The following CTNNA3 variants were observed in gnomAD, a reference collection of about 807,000 sequenced individuals.
The protein encoded by CTNNA3 is catenin alpha 3.
CTNNA3 carries 76 observed loss-of-function variants against 95.7 expected under a neutral mutation model. The ratio of observed to expected loss-of-function variants is 0.79; its 90% CI spans 0.66 to 0.96. CTNNA3 has a LOEUF of 0.96. Ranked by LOEUF, CTNNA3 falls within the 40% of genes least tolerant of loss-of-function variation. CTNNA3 has a pLI of 0.00. For missense variants in CTNNA3, 1,191 were observed against 1,089.8 expected, an observed-to-expected ratio of 1.09 and a Z score of -1.31; for synonymous variants, 431 against 374.4, an observed-to-expected ratio of 1.15 and a Z score of -1.74.
At chr10:66,346,223 A>G (rs1457979649) in intron 12 of CTNNA3, among the ~76,000 whole-genome samples, 24 of 91,428 alleles carry the variant, frequency 2.6e-4, no homozygotes, top group Admixed American at 1.6e-3. Flanking sequence ...ATATATATAT[A>G]TATATATATA....
At chr10:67,319,711 CA>C (rs890891719) in intron 5 of CTNNA3, among the ~76,000 whole-genome samples, 4 of 151,884 alleles carry the variant, frequency 2.6e-5, no homozygotes, top group African/African-American at 9.7e-5. Flanking sequence ...GCCTGGCCAA[CA>C]AAGTAAAACT....
At chr10:67,313,157 C>T (rs1840885257) in intron 5 of CTNNA3, among the ~76,000 whole-genome samples, 1 of 152,136 alleles carries the variant, frequency 6.6e-6, no homozygotes, top group Non-Finnish European at 1.5e-5. Context: ...GAAGTCTGTA[C>T]TTCCTAAAAA....
intron 11 of CTNNA3, among the ~76,000 whole-genome samples, chr10:66,393,241 T>C (rs1339886876): frequency 2.0e-5 from 3 of 152,066 alleles, no homozygotes; most frequent in African/African-American, 7.2e-5. Flanking sequence ...AGGTAGAGCG[T>C]AGGGGATTTT....
intron 11 of CTNNA3, among the ~76,000 whole-genome samples, chr10:66,420,835 A>AATTAATT (rs1652537233): frequency 2.5e-4 from 23 of 93,008 alleles, no homozygotes; most frequent in South Asian, 1.5e-3. Flanking sequence ...ATAAATAAAT[A>AATTAATT]AATAAAAAAC....
At chr10:65,978,425 TA>T (rs1344938128) in intron 16 of CTNNA3, among the ~76,000 whole-genome samples, 3 of 148,710 alleles carry the variant, frequency 2.0e-5, no homozygotes, top group Admixed American at 6.6e-5. Context: ...GACTGTATTG[TA>T]AGCATTTTTT....
chr10:67,235,462 T>C (rs1021512193), intron 5 of CTNNA3, among the ~76,000 whole-genome samples: 5 of 151,986 alleles, frequency 3.3e-5, no homozygotes, highest in Non-Finnish European at 7.4e-5. Context: ...GCTAGCCATA[T>C]GTAGAAAGCT....
At chr10:67,576,226 G>A (rs1842139891) in intron 3 of CTNNA3, among the ~76,000 whole-genome samples, 1 of 151,966 alleles carries the variant, frequency 6.6e-6, no homozygotes, top group African/African-American at 2.4e-5. Context: ...CCATTTCCTG[G>A]GCAGGTTTCT....
At chr10:67,191,172 T>A (rs976409990) in intron 6 of CTNNA3, among the ~76,000 whole-genome samples, 2 of 151,914 alleles carry the variant, frequency 1.3e-5, no homozygotes, top group African/African-American at 4.8e-5. Context: ...TGAAAAACAG[T>A]TTGGCGGTTT....
In CTNNA3 at chr10:66,913,524, G is replaced by A. The variant is rs1589416527; in HGVS notation, c.1048-138000C>T. ...CGCATGCTTTTATTGTCTCTTTCAC[G>A]TCAAAACTCAAGCAATGACAAATGA... On this transcript the variant is annotated intron_variant, in intron 7 of 17. Transcript: ENST00000433211. 2.0e-5 allele frequency among the ~76,000 whole-genome samples: 3 copies of A among 152,082 alleles called. No homozygotes were observed. The East Asian group carries it at 5.8e-4, about 30-fold the overall frequency.
intron 9 of CTNNA3, among the ~76,000 whole-genome samples, chr10:66,685,444 T>G (rs1847261841): frequency 1.5e-5 from 2 of 129,434 alleles, no homozygotes; most frequent in Non-Finnish European, 1.6e-5. Flanking sequence ...GCTATCTCGG[T>G]TCACTGTAAG....
chr10:66,190,699 A>G lies in CTNNA3; in HGVS notation c.1885-87450T>C, dbSNP rs181505192. On this transcript the variant is annotated intron_variant, in intron 13 of 17. Transcript: ENST00000433211. The stretch of plus-strand genomic sequence containing the variant: ...GCATTCTACCTCTCCTCATCTTTCT[A>G]CGTCTTCTCATCCTGTAACCTCTTA... Among the ~76,000 whole-genome samples the G allele has an allele frequency of 1.3e-3, 192 of 152,040 alleles. 1 individual carries two copies. Among genetic ancestry groups the G allele is most frequent in the African/African-American group, 4.4e-3 (183 of 41,490 alleles).
At chr10:66,367,874 AATAATAATTATTATT>A (rs1405952256) in intron 12 of CTNNA3, among the ~76,000 whole-genome samples, 2,823 of 42,474 alleles carry the variant, frequency 0.066, 34 homozygotes, top group East Asian at 0.16. Flanking sequence ...TAATAATAAT[AATAATAATTATTATT>A]ATTATTATTA....
At chr10:67,472,545 C>T (rs1484509231) in intron 5 of CTNNA3, among the ~76,000 whole-genome samples, 1 of 152,152 alleles carries the variant, frequency 6.6e-6, no homozygotes, top group Non-Finnish European at 1.5e-5. Flanking sequence ...TGGCAATGCC[C>T]AAAAGTTAAC....
intron 1 of CTNNA3, among the ~76,000 whole-genome samples, chr10:67,654,236 G>A (rs1231935382): frequency 2.0e-5 from 3 of 152,174 alleles, no homozygotes; most frequent in African/African-American, 7.2e-5. Context: ...ATTTCTCAAA[G>A]TAGAAAGATT....
In CTNNA3 at chr10:66,825,305, G is replaced by A. The variant is rs180897611; in HGVS notation, c.1048-49781C>T. Among the ~76,000 whole-genome samples the A allele has an allele frequency of 1.1e-3, 163 of 146,450 alleles. 1 individual carries two copies. The highest frequency in any genetic ancestry group is 3.4e-3 in the African/African-American group (135 of 39,908). ...TATATTTTTTTTTTGAGATGGAGTC[G>A]TGCTCTGTCGCCCAGGCTGGAGTGT... On this transcript the variant is annotated intron_variant, in intron 7 of 17. Coordinates refer to ENST00000433211, the MANE Select transcript of CTNNA3 (RefSeq NM_013266.4).
At chr10:66,377,101 T>C (rs1564909778) in intron 12 of CTNNA3, among the ~76,000 whole-genome samples, 1 of 152,112 alleles carries the variant, frequency 6.6e-6, no homozygotes, top group Non-Finnish European at 1.5e-5. Flanking sequence ...AAGAAGGCTA[T>C]TTGGAGAATA....
chr10:67,505,184 A>C (rs1293856355), intron 5 of CTNNA3, among the ~76,000 whole-genome samples: 1 of 152,236 alleles, frequency 6.6e-6, no homozygotes, highest in African/African-American at 2.4e-5. Flanking sequence ...AAACATGAGC[A>C]TTTAGCTTAA....
chr10:66,894,493 TAA>T (rs1482689277), intron 7 of CTNNA3, among the ~76,000 whole-genome samples: 2 of 152,084 alleles, frequency 1.3e-5, no homozygotes, highest in Admixed American at 6.6e-5. Flanking sequence ...GAGAAGATTT[TAA>T]AAGTTATCTA....
chr10:66,474,973 T>C (rs74831430), intron 11 of CTNNA3, among the ~76,000 whole-genome samples: 9,862 of 152,108 alleles, frequency 0.065, 463 homozygotes, highest in Non-Finnish European at 0.099. Flanking sequence ...ATTAACCCCT[T>C]GTCACAAGTG....
Sources: gnomAD v4.1 joint callset for allele counts (sites outside exome capture counted in the v4.1 genomes callset) on GRCh38, gnomAD v4.1.1 for gene constraint, MANE v1.5 for transcripts, NCBI Gene and HGNC (gene_info 2026-07-23, HGNC 2026-07-21) for gene names.